Variants in BANF1 observed in about 807,000 individuals in gnomAD.
BANF1 encodes the protein barrier-to-autointegration factor.
For missense variants in BANF1, 47 were observed against 110.4 expected (o/e 0.43, Z 2.57); for synonymous variants, 49 against 43.7 (o/e 1.12, Z -0.48).
At chr11:66,003,486 A>T (rs1030199283) in intron 2 of BANF1, 113 bp downstream of exon 2, 55 of 1,607,554 alleles carry the variant, frequency 3.4e-5, no homozygotes, top group Middle Eastern at 3.3e-4. Flanking sequence ...GAGCCTGGGC[A>T]CCTGGTGGAG....
At position 66,003,874 on chromosome 11, in the gene BANF1, T is replaced by A; in HGVS notation, c.*102T>A. On this transcript the variant is annotated 3_prime_UTR_variant, in exon 3 of 3. Transcript: ENST00000312175. ...ACGAAGGAAAAGATTGCTATTGTCG[T>A]ACTCACCTCCGACGTACTCCGGGGT... 1 of 1,540,232 alleles carries A rather than the reference T, an allele frequency of 6.5e-7. No individual in the cohort carries two copies. Among genetic ancestry groups the A allele is most frequent in the Non-Finnish European group, 8.9e-7 (1 of 1,124,746 alleles).
chr11:66,003,758 G>C lies in BANF1; in HGVS notation c.256G>C (p.Asp86His). 1 of 1,614,032 alleles carries C rather than the reference G, an allele frequency of 6.2e-7. No homozygotes were observed. Among genetic ancestry groups the C allele is most frequent in the Non-Finnish European group, 8.5e-7 (1 of 1,180,012 alleles). ...DCFGCLREWCDAFL is the reference protein window; with the variant it reads ...DCFGCLREWCHAFL ...CTTCGGATGCCTTCGAGAGTGGTGC[G>C]ACGCCTTCTTGTGATGCTCTCTGGG... The change falls in exon 3 of 3, where the codon GAC (aspartate) becomes CAC (histidine). Residue 86 changes from aspartate (D) to histidine (H), a missense_variant. Physicochemically the swap from Asp to His is moderately conservative, Grantham distance 81. Transcript: ENST00000312175.
At chr11:66,003,523 C>T (rs2134971976) in intron 2 of BANF1, 103 bp from the exon 3 acceptor site, 3 of 1,610,990 alleles carry the variant, frequency 1.9e-6, no homozygotes, top group Non-Finnish European at 2.5e-6. Flanking sequence ...ACCCGCGCTG[C>T]TTCCTGGGCT....
chr11:66,003,324 G>A lies in BANF1; in HGVS notation c.74G>A (p.Gly25Glu), dbSNP rs777086330. 6.2e-7 allele frequency: 1 copy of A among 1,613,792 alleles called. No individual in the cohort carries two copies. Among genetic ancestry groups the A allele is most frequent in the Non-Finnish European group, 8.5e-7 (1 of 1,179,850 alleles). Residue 25 changes from glycine to glutamate, a missense_variant, in exon 2 of 3, where the codon GGG becomes GAG. Coordinates refer to ENST00000312175, the MANE Select transcript of BANF1 (RefSeq NM_003860.4). ...MGEKPVGSLA[G>E]IGEVLGKKLE... The stretch of plus-strand genomic sequence containing the variant: ...GAGAAGCCAGTGGGGAGCCTGGCTG[G>A]GATTGGTGAAGTCCTGGGCAAGAAG...
At position 66,003,187 on chromosome 11, in the gene BANF1, A is replaced by G. The variant is rs1786172; in HGVS notation, c.-16-48A>G. On this transcript the variant is annotated intron_variant, in intron 1 of 2. Transcript: ENST00000312175. ...TATGAGATTGCTCGTGGGCCCTTAGAAGTTCCAGGTCTTCAGCCCTAATCT... is the reference window on the plus strand; with the variant it reads ...TATGAGATTGCTCGTGGGCCCTTAGGAGTTCCAGGTCTTCAGCCCTAATCT... The G allele has an allele frequency of 0.82, 1,309,977 of 1,602,112 alleles. 538,700 individuals are homozygous for G. The highest frequency in any genetic ancestry group is 0.86 in the Admixed American group (51,266 of 59,278).
Position 66,003,849 on chromosome 11 carries a change from A to G in BANF1, c.*77A>G, listed in dbSNP as rs1199336616. On this transcript the variant is annotated 3_prime_UTR_variant, in exon 3 of 3. Transcript: ENST00000312175. The stretch of plus-strand genomic sequence containing the variant: ...AGTAGGGACTCCTCCCCTGTCCTCT[A>G]CGAAGGAAAAGATTGCTATTGTCGT... 1.2e-5 allele frequency: 19 copies of G among 1,600,390 alleles called. No individual in the cohort carries two copies. The East Asian group carries it at 2.9e-4, about 24-fold the overall frequency.
chr11:66,003,621 T>C lies in BANF1; in HGVS notation c.124-5T>C, dbSNP rs750526063. ...GCACGCTCCTTCCTTTTCCCTGTTT[T>C]GCAGGCCTATGTTGTCCTTGGCCAG... is the stretch of plus-strand genomic sequence containing the variant. On this transcript the variant is annotated splice_region_variant and splice_polypyrimidine_tract_variant and intron_variant, in intron 2 of 2. Transcript: ENST00000312175. The C allele has an allele frequency of 6.8e-6, 11 of 1,614,148 alleles. No individual in the cohort carries two copies. The highest frequency in any genetic ancestry group is 9.3e-6 in the Non-Finnish European group (11 of 1,180,020).
rs901194846 is a variant in BANF1, at chr11:66,004,003, A to T, written c.*231A>T. 3 of 546,974 alleles carry T rather than the reference A, an allele frequency of 5.5e-6. No homozygotes were observed. Among genetic ancestry groups the T allele is most frequent in the Admixed American group, 6.1e-5 (2 of 32,944 alleles). 33.9% of individuals were successfully genotyped at this position (546,974 alleles called of 1,614,324 possible). ...CCTTGCCAGTTCCCTGGTGACAGTT[A>T]CCAGCTTTCCTGAATGGATTCCCGG... On this transcript the variant is annotated 3_prime_UTR_variant, in exon 3 of 3. Transcript: ENST00000312175.
rs1420588239 is a variant in BANF1 at position 66,003,658 on chromosome 11, A to G, written c.156A>G (p.Leu52=). 1 of 1,613,968 alleles carries G rather than the reference A, an allele frequency of 6.2e-7. No individual in the cohort carries two copies. The highest frequency in any genetic ancestry group is 8.5e-7 in the Non-Finnish European group (1 of 1,180,022). The stretch of plus-strand genomic sequence containing the variant: ...TTGTCCTTGGCCAGTTTCTGGTGCT[A>G]AAGAAAGATGAAGACCTCTTCCGGG... ...AYVVLGQFLV[L]KKDEDLFREW... is the part of the protein sequence containing the mutation. Residue 52 remains leucine (L), a synonymous_variant, in exon 3 of 3, where the codon CTA becomes CTG. Transcript: ENST00000312175.
At position 66,003,746 on chromosome 11, in the gene BANF1, CGA is replaced by C; in HGVS notation, c.248_249del (p.Glu83ValfsTer26). On this transcript the variant is annotated frameshift_variant, in exon 3 of 3. Coordinates refer to ENST00000312175, the MANE Select transcript of BANF1 (RefSeq NM_003860.4). LOFTEE classifies it high-confidence loss of function. Reference protein sequence around the residue: ...KQSRDCFGCLREWCDAFL With the variant: ...KQSRDCFGCLXEWCDAFL ...GTCCCGGGACTGCTTCGGATGCCTT[CGA>C]GAGTGGTGCGACGCCTTCTTGTGAT... The C allele has an allele frequency of 6.2e-7, 1 of 1,614,110 alleles. No homozygotes were observed. The highest frequency in any genetic ancestry group is 8.5e-7 in the Non-Finnish European group (1 of 1,180,030).
rs994788887 is a variant in BANF1, at chr11:66,002,548, C to A, written c.-39C>A. On this transcript the variant is annotated 5_prime_UTR_variant, in exon 1 of 3. Transcript: ENST00000312175. The stretch of plus-strand genomic sequence containing the variant: ...GGAGCGGCCGGGTGGCGGGAGGAAC[C>A]GTTACGGGAACTGAAGTTGCGGGTG... 6.5e-6 allele frequency: 1 copy of A among 152,908 alleles called. No homozygotes were observed. The highest frequency in any genetic ancestry group is 1.5e-5 in the Non-Finnish European group (1 of 68,214). 9.5% of individuals were successfully genotyped at this position (152,908 alleles called of 1,614,324 possible).
In BANF1 at chr11:66,003,757, C is replaced by T. The variant is rs773533777; in HGVS notation, c.255C>T (p.Cys85=). 1.2e-5 allele frequency: 19 copies of T among 1,613,928 alleles called. No homozygotes were observed. The East Asian group carries it at 2.7e-4, about 23-fold the overall frequency. The change falls in exon 3 of 3, where the codon TGC becomes TGT. Residue 85 remains cysteine (C), a synonymous_variant. Coordinates refer to ENST00000312175, the MANE Select transcript of BANF1 (RefSeq NM_003860.4). ...GCTTCGGATGCCTTCGAGAGTGGTG[C>T]GACGCCTTCTTGTGATGCTCTCTGG... ...RDCFGCLREW[C]DAFL is the part of the protein sequence containing the mutation.
Position 66,003,231 on chromosome 11 carries a change from C to G in BANF1, c.-16-4C>G, listed in dbSNP as rs760245072. On this transcript the variant is annotated splice_polypyrimidine_tract_variant and splice_region_variant and intron_variant, in intron 1 of 2. Transcript: ENST00000312175. ...CTAATCTGCCTTTTTTTTGGGATTC[C>G]TAGATTAAGCCTGATCAAGATGACA... The G allele has an allele frequency of 6.2e-7, 1 of 1,612,284 alleles. No homozygotes were observed. The highest frequency in any genetic ancestry group is 1.1e-5 in the South Asian group (1 of 90,982).
At chr11:66,003,601 CTCCT>C in intron 2 of BANF1, 21 bp from the exon 3 acceptor site, 9 of 1,614,052 alleles carry the variant, frequency 5.6e-6, no homozygotes, top group Non-Finnish European at 7.6e-6. Flanking sequence ...GAGCAGCACG[CTCCT>C]TCCTTTTCCC....
chr11:66,004,082 C>T lies in BANF1; in HGVS notation c.*310C>T, dbSNP rs1166615981. On this transcript the variant is annotated 3_prime_UTR_variant, in exon 3 of 3. Coordinates refer to ENST00000312175, the MANE Select transcript of BANF1 (RefSeq NM_003860.4). ...CAATCCGTTTGATACCATTTGGCTC[C>T]TTTTTTGGCAGAACAGTCACTGTCC... 3 of 405,506 alleles carry T rather than the reference C, an allele frequency of 7.4e-6. No individual in the cohort carries two copies. Among genetic ancestry groups the T allele is most frequent in the South Asian group, 2.2e-5 (1 of 46,358 alleles). The allele number at this position is 405,506 out of a possible 1,614,324, so 25.1% of individuals were successfully genotyped here. A position where few individuals can be genotyped will look rare whatever the true frequency, so the allele number is the denominator to read the frequency against.
At chr11:66,002,906 T>G in intron 1 of BANF1, 2 of 359,124 alleles carry the variant, frequency 5.6e-6, no homozygotes, top group Non-Finnish European at 1.1e-5. Context: ...GTCGTCTTGG[T>G]TCAGCCAAGG....
chr11:66,002,721 G>C (rs540123770), intron 1 of BANF1, 151 bp downstream of exon 1: 63 of 151,418 alleles, frequency 4.2e-4, no homozygotes, highest in African/African-American at 1.5e-3. Context: ...CGTGGGAGCC[G>C]GGCCGCGGGA....
chr11:66,003,042 C>T (rs1856042715), intron 1 of BANF1, 193 bp from the exon 2 acceptor site: 7 of 619,970 alleles, frequency 1.1e-5, no homozygotes, highest in South Asian at 1.1e-4. Flanking sequence ...AAATCCAGGT[C>T]CTGCAGGAAG....
chr11:66,003,229 T>C lies in BANF1; in HGVS notation c.-16-6T>C, dbSNP rs772582936. ...CCCTAATCTGCCTTTTTTTTGGGAT[T>C]CCTAGATTAAGCCTGATCAAGATGA... On this transcript the variant is annotated splice_polypyrimidine_tract_variant and splice_region_variant and intron_variant, in intron 1 of 2. Coordinates refer to ENST00000312175, the MANE Select transcript of BANF1 (RefSeq NM_003860.4). 6.2e-7 allele frequency: 1 copy of C among 1,612,292 alleles called. No homozygotes were observed. Among genetic ancestry groups the C allele is most frequent in the Admixed American group, 1.7e-5 (1 of 59,988 alleles).
Sources: gnomAD v4.1 joint callset for allele counts on GRCh38, gnomAD v4.1.1 for gene constraint, MANE v1.5 for transcripts, NCBI Gene and HGNC (gene_info 2026-07-23, HGNC 2026-07-21) for gene names.